TMEM266: variants seen among roughly 807,000 people sequenced by gnomAD.
TMEM266 encodes transmembrane protein 266.
Under a neutral mutation model 50.5 loss-of-function variants are expected in TMEM266, and 33 were observed. That is an observed-to-expected ratio of 0.65 (90% CI 0.50 to 0.87). TMEM266 has a LOEUF of 0.87. TMEM266 is among the 40% of genes least tolerant of loss of function. The pLI is 0.00. For synonymous variants in TMEM266, 310 were observed against 292.3 expected, an observed-to-expected ratio of 1.06 and a Z score of -0.62; for missense variants, 655 against 695.1, an observed-to-expected ratio of 0.94 and a Z score of 0.65.
At chr15:76,179,997 T>TG (rs1223926998) in intron 8 of TMEM266, among the ~76,000 whole-genome samples, 1 of 152,128 alleles carries the variant, frequency 6.6e-6, no homozygotes, top group Non-Finnish European at 1.5e-5. Flanking sequence ...TTCACTCCCT[T>TG]GCTCTCTTGC....
intron 6 of TMEM266, 105 bp downstream of exon 6, chr15:76,169,977 T>G: frequency 8.2e-7 from 1 of 1,212,224 alleles, no homozygotes; most frequent in Non-Finnish European, 1.2e-6. Flanking sequence ...GAAGGCTGGT[T>G]CCTTCTCCCA....
At chr15:76,197,181 G>A (rs1412878811) in intron 9 of TMEM266, among the ~76,000 whole-genome samples, 1 of 152,220 alleles carries the variant, frequency 6.6e-6, no homozygotes, top group Non-Finnish European at 1.5e-5. Flanking sequence ...GGCTGATCAT[G>A]AAGGCAAGGC....
rs544661782 is a variant in TMEM266 at position 76,131,598 on chromosome 15, A to C, written c.-96-2570A>C. Among the ~76,000 whole-genome samples, 4 of 152,330 alleles carry C rather than the reference A, an allele frequency of 2.6e-5. No individual in the cohort carries two copies. The South Asian group carries it at 8.3e-4, about 32-fold the overall frequency. On this transcript the variant is annotated intron_variant, in intron 1 of 10. Transcript: ENST00000388942. ...AAGATTGATACTGATTAAATCTGTTATGGAATTTTATAAGACTTAGTATAA... is the reference window on the plus strand; with the variant it reads ...AAGATTGATACTGATTAAATCTGTTCTGGAATTTTATAAGACTTAGTATAA...
At position 76,139,235 on chromosome 15, in the gene TMEM266, C is replaced by G. The variant is rs1435315056; in HGVS notation, c.227+1340C>G. Among the ~76,000 whole-genome samples, 1 of 152,222 alleles carries G rather than the reference C, an allele frequency of 6.6e-6. No individual in the cohort carries two copies. Among genetic ancestry groups the G allele is most frequent in the African/African-American group, 2.4e-5 (1 of 41,450 alleles). On this transcript the variant is annotated intron_variant, in intron 3 of 10. Coordinates refer to ENST00000388942, the MANE Select transcript of TMEM266 (RefSeq NM_152335.3). The surrounding 1 kb of genome is among the most constrained non-coding windows in gnomAD (Gnocchi z 4.1). Reference sequence around the variant, plus strand: ...GAGCTTCCCACTTCCTGAGATAAACCGCCTAACAATGGTGAAACCACACAC... The same window carrying G: ...GAGCTTCCCACTTCCTGAGATAAACGGCCTAACAATGGTGAAACCACACAC...
chr15:76,064,961 T>G (rs2141979873), intron 1 of TMEM266, among the ~76,000 whole-genome samples: 1 of 152,356 alleles, frequency 6.6e-6, no homozygotes, highest in South Asian at 2.1e-4. Flanking sequence ...GCCAATACAA[T>G]GCATAAGGCC....
chr15:76,195,084 T>A (rs2038634997), intron 9 of TMEM266, among the ~76,000 whole-genome samples: 1 of 152,154 alleles, frequency 6.6e-6, no homozygotes, highest in Non-Finnish European at 1.5e-5. Flanking sequence ...TGCATGCTGT[T>A]CATGGGATGG....
chr15:76,195,956 T>C (rs2038648838), intron 9 of TMEM266, among the ~76,000 whole-genome samples: 1 of 152,090 alleles, frequency 6.6e-6, no homozygotes, highest in Non-Finnish European at 1.5e-5. Flanking sequence ...GCTCCTCCTC[T>C]CTCTGCAGCC....
chr15:76,087,695 A>G (rs141255399), intron 1 of TMEM266, among the ~76,000 whole-genome samples: 50 of 152,348 alleles, frequency 3.3e-4, no homozygotes, highest in African/African-American at 1.1e-3. Context: ...CTTGACATTT[A>G]AAGGGCAGTA....
Position 76,092,374 on chromosome 15 carries a change from G to A in TMEM266, c.-97+32358G>A, listed in dbSNP as rs557420564. ...CAAAATATTGGTACAGCTAATCAAA[G>A]TTGGCATGTTGAGAAGGATATTAAT... On this transcript the variant is annotated intron_variant, in intron 1 of 10. Coordinates refer to ENST00000388942, the MANE Select transcript of TMEM266 (RefSeq NM_152335.3). Among the ~76,000 whole-genome samples, 204 of 152,152 alleles carry A rather than the reference G, an allele frequency of 1.3e-3. 3 individuals are homozygous for A. Among genetic ancestry groups the A allele is most frequent in the Non-Finnish European group, 1.7e-3 (115 of 67,994 alleles).
intron 1 of TMEM266, among the ~76,000 whole-genome samples, chr15:76,094,519 C>A (rs913601527): frequency 3.9e-5 from 6 of 151,938 alleles, no homozygotes; most frequent in African/African-American, 1.5e-4. Flanking sequence ...GTTACTGTAG[C>A]CTTGTAGTAT....
In TMEM266 at chr15:76,161,893, T is replaced by C. The variant is rs568692321; in HGVS notation, c.456+1725T>C. Among the ~76,000 whole-genome samples, 1 of 152,368 alleles carries C rather than the reference T, an allele frequency of 6.6e-6. No homozygotes were observed. The highest frequency in any genetic ancestry group is 2.1e-4 in the South Asian group (1 of 4,828). ...TGCAAACCTTGGAAAATGTGCCATG[T>C]GTCTGTGACTGCCAACAAAAATGTT... On this transcript the variant is annotated intron_variant, in intron 5 of 10. Coordinates refer to ENST00000388942, the MANE Select transcript of TMEM266 (RefSeq NM_152335.3). This position sits in a 1 kb window ranked among gnomAD's most constrained non-coding sequence, Gnocchi z 4.1.
chr15:76,137,715 T>C lies in TMEM266; in HGVS notation c.47T>C (p.Ile16Thr). 2 of 1,614,086 alleles carry C rather than the reference T, an allele frequency of 1.2e-6. No individual in the cohort carries two copies. Among genetic ancestry groups the C allele is most frequent in the African/African-American group, 1.3e-5 (1 of 75,030 alleles). ...CCTCCTCTCCAACCCAGGCCTGCCA[T>C]AGAAGGAGGAATTTCTGAAGTTGAG... Residue 16 changes from isoleucine to threonine, a missense_variant, in exon 3 of 11, where the codon ATA (isoleucine) becomes ACA (threonine). Physicochemically the swap from Ile to Thr is moderately conservative, Grantham distance 89. Around this residue, in one of 3 missense-constraint regions of TMEM266, gnomAD observed 99 missense variants for 110.8 expected, o/e 0.89. Coordinates refer to ENST00000388942, the MANE Select transcript of TMEM266 (RefSeq NM_152335.3).
intron 8 of TMEM266, among the ~76,000 whole-genome samples, chr15:76,189,843 C>A (rs1172957945): frequency 1.3e-5 from 2 of 152,110 alleles, no homozygotes; most frequent in Admixed American, 6.5e-5. Flanking sequence ...AAAATCTTTC[C>A]CCCTAAAAGT....
At chr15:76,070,367 A>G (rs1038694583) in intron 1 of TMEM266, among the ~76,000 whole-genome samples, 2 of 152,214 alleles carry the variant, frequency 1.3e-5, no homozygotes, top group African/African-American at 2.4e-5. Context: ...ATTCATCACA[A>G]CTGTATCACA....
At chr15:76,155,911 C>T (rs1414105574) in intron 3 of TMEM266, among the ~76,000 whole-genome samples, 2 of 152,192 alleles carry the variant, frequency 1.3e-5, no homozygotes, top group Admixed American at 6.5e-5. Context: ...CCCATGTCAC[C>T]GCATTCTTAG....
intron 1 of TMEM266, among the ~76,000 whole-genome samples, chr15:76,117,326 C>T (rs1403338721): frequency 3.3e-5 from 5 of 152,034 alleles, no homozygotes; most frequent in African/African-American, 4.8e-5. Flanking sequence ...AAGGTCATCA[C>T]GTGCCGTACC....
intron 9 of TMEM266, among the ~76,000 whole-genome samples, chr15:76,193,238 G>GT (rs2038608484): frequency 8.7e-6 from 1 of 114,438 alleles, no homozygotes; most frequent in African/African-American, 3.3e-5. Flanking sequence ...ACGAATGGTT[G>GT]CTTTTTTTTT....
chr15:76,174,521 G>A (rs909465781), intron 7 of TMEM266, among the ~76,000 whole-genome samples: 3 of 152,180 alleles, frequency 2.0e-5, no homozygotes, highest in Middle Eastern at 3.2e-3. Context: ...CTGCACTCCA[G>A]CCTGGGTGAC....
At chr15:76,071,836 T>G (rs1596084381) in intron 1 of TMEM266, among the ~76,000 whole-genome samples, 1 of 151,976 alleles carries the variant, frequency 6.6e-6, no homozygotes, top group East Asian at 1.9e-4. Context: ...CTGTGCTCAG[T>G]CTTACCCAGG....
Sources: gnomAD v4.1 joint callset for allele counts (sites outside exome capture counted in the v4.1 genomes callset) on GRCh38, gnomAD v4.1.1 for gene constraint, gnomAD v4.1.1 regional missense constraint, Gnocchi (gnomAD v3.1) non-coding constraint, MANE v1.5 for transcripts, NCBI Gene and HGNC (gene_info 2026-07-23, HGNC 2026-07-21) for gene names.